ASTN2: variants seen among roughly 807,000 people sequenced by gnomAD.
ASTN2 encodes astrotactin-2.
A neutral mutation model predicts 139.8 loss-of-function variants in ASTN2; 54 were observed. The observed-to-expected ratio is 0.39, with a 90% CI of 0.31 to 0.48. ASTN2 has a LOEUF of 0.48. ASTN2 is among the 20% of genes least tolerant of loss of function. The pLI is 0.95. For missense variants in ASTN2, 1,565 were observed against 1,725.1 expected, an observed-to-expected ratio of 0.91 and a Z score of 1.64; for synonymous variants, 756 against 719.5, an observed-to-expected ratio of 1.05 and a Z score of -0.81.
At chr9:117,104,772 G>A (rs1829063295) in intron 4 of ASTN2, among the ~76,000 whole-genome samples, 1 of 152,050 alleles carries the variant, frequency 6.6e-6, no homozygotes, top group Admixed American at 6.5e-5. Context: ...TCTAATGCTT[G>A]CTAATAAACA....
chr9:117,074,904 T>C (rs757322093), intron 5 of ASTN2, among the ~76,000 whole-genome samples: 8 of 152,104 alleles, frequency 5.3e-5, no homozygotes, highest in Admixed American at 1.3e-4. Context: ...AGGGGTTAAA[T>C]AACATATCCA....
At chr9:117,043,907 CAAA>C (rs10713427) in intron 5 of ASTN2, among the ~76,000 whole-genome samples, 3 of 119,340 alleles carry the variant, frequency 2.5e-5, no homozygotes, top group Non-Finnish European at 1.7e-5. Context: ...GACTCTGTCT[CAAA>C]AAAAAAAAAA....
At chr9:117,039,761 C>G in intron 6 of ASTN2, 58 bp downstream of exon 6, 1 of 1,531,248 alleles carries the variant, frequency 6.5e-7, no homozygotes, top group Non-Finnish European at 8.8e-7. Flanking sequence ...AACCTTTGAC[C>G]AGTCAGGGGT....
chr9:116,477,172 T>C (rs919938028), intron 20 of ASTN2, among the ~76,000 whole-genome samples: 2 of 151,942 alleles, frequency 1.3e-5, no homozygotes, highest in Non-Finnish European at 2.9e-5. Flanking sequence ...CCCCAGCAGG[T>C]TTTAGGAGCC....
intron 5 of ASTN2, among the ~76,000 whole-genome samples, chr9:117,043,604 C>T (rs898731740): frequency 4.6e-5 from 7 of 152,048 alleles, no homozygotes; most frequent in South Asian, 4.1e-4. Context: ...CAGTAACCCA[C>T]GGCCTTTAAG....
chr9:117,190,750 G>C (rs544940379), intron 3 of ASTN2, among the ~76,000 whole-genome samples: 15 of 152,162 alleles, frequency 9.9e-5, no homozygotes, highest in African/African-American at 3.6e-4. Flanking sequence ...CAGTTTTCAT[G>C]TGTTATCTGA....
intron 2 of ASTN2, among the ~76,000 whole-genome samples, chr9:117,282,506 C>T (rs1051510962): frequency 6.6e-6 from 1 of 152,208 alleles, no homozygotes; most frequent in Admixed American, 6.5e-5. Flanking sequence ...TTTTCCCCAT[C>T]TACAACATGA....
At chr9:116,672,910 C>T (rs1459247455) in intron 16 of ASTN2, among the ~76,000 whole-genome samples, 1 of 152,060 alleles carries the variant, frequency 6.6e-6, no homozygotes, top group African/African-American at 2.4e-5. Context: ...ATAACAAATG[C>T]AATATAATGA....
At chr9:116,629,528 A>C (rs1330515296) in intron 17 of ASTN2, among the ~76,000 whole-genome samples, 1 of 152,108 alleles carries the variant, frequency 6.6e-6, no homozygotes, top group Non-Finnish European at 1.5e-5. Context: ...TCAACTTCAA[A>C]TCCCAAGCAG....
chr9:116,522,679 A>AT (rs779551510), intron 19 of ASTN2, among the ~76,000 whole-genome samples: 4 of 152,088 alleles, frequency 2.6e-5, no homozygotes, highest in African/African-American at 9.7e-5. Context: ...AACATAAACA[A>AT]TTTTTTTAAA....
At chr9:117,344,467 A>ACGCTCAGT (rs1446346544) in intron 1 of ASTN2, among the ~76,000 whole-genome samples, 1 of 152,128 alleles carries the variant, frequency 6.6e-6, no homozygotes, top group African/African-American at 2.4e-5. Flanking sequence ...TGTTGTATTA[A>ACGCTCAGT]CGCTCAGTAC....
chr9:117,401,894 A>G (rs1830838464), intron 1 of ASTN2, among the ~76,000 whole-genome samples: 1 of 152,078 alleles, frequency 6.6e-6, no homozygotes, highest in South Asian at 2.1e-4. Flanking sequence ...AAACAAACAA[A>G]CAAGCAATTG....
rs369915098 is a variant in ASTN2 at position 116,677,522 on chromosome 9, T to C, written c.2807-25729A>G. On this transcript the variant is annotated intron_variant, in intron 16 of 22. Transcript: ENST00000313400. Reference sequence around the variant, plus strand: ...TTTAAGGAATGGCTAATAGCACTTATGGAGGGATACTTGACTTTTTGCACA... The same window carrying C: ...TTTAAGGAATGGCTAATAGCACTTACGGAGGGATACTTGACTTTTTGCACA... 7.9e-5 allele frequency among the ~76,000 whole-genome samples: 12 copies of C among 152,298 alleles called. No homozygotes were observed. The East Asian group carries it at 1.9e-3, about 24-fold the overall frequency.
intron 2 of ASTN2, among the ~76,000 whole-genome samples, chr9:117,282,813 G>A (rs1834356020): frequency 6.7e-6 from 1 of 148,256 alleles, no homozygotes; most frequent in South Asian, 2.1e-4. Flanking sequence ...AGCTGCCGAT[G>A]TGTAAGGTGC....
intron 1 of ASTN2, among the ~76,000 whole-genome samples, chr9:117,344,557 C>A (rs1023236331): frequency 6.6e-6 from 1 of 152,198 alleles, no homozygotes; most frequent in African/African-American, 2.4e-5. Flanking sequence ...TGTGTACACA[C>A]ACAACCTATG....
intron 10 of ASTN2, among the ~76,000 whole-genome samples, chr9:116,890,193 T>C (rs1383996074): frequency 6.6e-6 from 1 of 152,212 alleles, no homozygotes; most frequent in Non-Finnish European, 1.5e-5. Flanking sequence ...AGCCTGTCTA[T>C]GCCAAAGGGG....
At chr9:117,227,682 A>G (rs1244502775) in intron 2 of ASTN2, among the ~76,000 whole-genome samples, 1 of 152,210 alleles carries the variant, frequency 6.6e-6, no homozygotes, top group African/African-American at 2.4e-5. Context: ...GTGCCCAGGT[A>G]AGGGGTACTG....
At chr9:117,223,283 T>C (rs1209390550) in intron 2 of ASTN2, among the ~76,000 whole-genome samples, 1 of 152,106 alleles carries the variant, frequency 6.6e-6, no homozygotes, top group African/African-American at 2.4e-5. Context: ...TTTTTGGTTG[T>C]CACAACTTAG....
intron 12 of ASTN2, among the ~76,000 whole-genome samples, chr9:116,808,015 G>A (rs1452273049): frequency 6.6e-6 from 1 of 152,006 alleles, no homozygotes; most frequent in Non-Finnish European, 1.5e-5. Context: ...TCAGGAGGCG[G>A]AGGCAGGAGA....
Sources: gnomAD v4.1 joint callset for allele counts (sites outside exome capture counted in the v4.1 genomes callset) on GRCh38, gnomAD v4.1.1 for gene constraint, MANE v1.5 for transcripts, NCBI Gene and HGNC (gene_info 2026-07-23, HGNC 2026-07-21) for gene names.